The following ELF1 variants were observed in gnomAD, a reference collection of about 807,000 sequenced individuals.
The protein encoded by ELF1 is ETS-related transcription factor Elf-1.
In ELF1, 24 loss-of-function variants were observed where a neutral mutation model predicts 59.9. The ratio of observed to expected loss-of-function variants is 0.40; its 90% CI spans 0.29 to 0.56. The LOEUF is 0.56. ELF1 is among the 20% of genes least tolerant of loss of function. ELF1 has a pLI of 0.44. For synonymous variants in ELF1, 248 were observed against 266.2 expected (o/e 0.93, Z 0.67); for missense variants, 627 against 742.2 (o/e 0.84, Z 1.80).
intron 2 of ELF1, among the ~76,000 whole-genome samples, chr13:40,976,469 A>C (rs543111331): frequency 1.4e-4 from 21 of 152,346 alleles, no homozygotes; most frequent in Non-Finnish European, 2.2e-4. Flanking sequence ...TACATTGAAT[A>C]GTGTTTCCCA....
At chr13:40,970,407 CA>C (rs1872460213) in intron 2 of ELF1, among the ~76,000 whole-genome samples, 2 of 152,140 alleles carry the variant, frequency 1.3e-5, no homozygotes, top group Non-Finnish European at 2.9e-5. Context: ...TTCAAGATAA[CA>C]TTATACTATA....
At chr13:40,992,925 T>C in intron 1 of ELF1, 1 of 712,572 alleles carries the variant, frequency 1.4e-6, no homozygotes, top group East Asian at 2.6e-5. Context: ...TCATATATCA[T>C]TCTAGCCTTT....
chr13:40,946,023 T>A (rs943653219), intron 5 of ELF1, among the ~76,000 whole-genome samples: 5 of 152,154 alleles, frequency 3.3e-5, no homozygotes, highest in African/African-American at 1.2e-4. Flanking sequence ...TTTTTCCATA[T>A]TTTTAGCAGA....
chr13:41,045,177 TTC>T (rs1333743785), intron 1 of ELF1, among the ~76,000 whole-genome samples: 1 of 152,126 alleles, frequency 6.6e-6, no homozygotes, highest in African/African-American at 2.4e-5. Context: ...TATTTGATTC[TTC>T]TCTCTTTTCT....
At chr13:41,047,213 A>T (rs181838849) in intron 1 of ELF1, among the ~76,000 whole-genome samples, 6 of 152,152 alleles carry the variant, frequency 3.9e-5, no homozygotes, top group African/African-American at 1.4e-4. Flanking sequence ...CTTCTTTGCC[A>T]TGGGTTCAAA....
chr13:40,955,727 G>A (rs1871318701), intron 3 of ELF1, among the ~76,000 whole-genome samples: 1 of 131,004 alleles, frequency 7.6e-6, no homozygotes, highest in South Asian at 2.5e-4. Flanking sequence ...GGGAGGCGGG[G>A]AGGTCAGCCC....
chr13:41,036,927 G>A (rs557941805), intron 1 of ELF1, among the ~76,000 whole-genome samples: 49 of 151,756 alleles, frequency 3.2e-4, no homozygotes, highest in Non-Finnish European at 6.0e-4. Context: ...ACACAGGAAG[G>A]GGAACATCAC....
At position 40,982,146 on chromosome 13, in the gene ELF1, A is replaced by C; in HGVS notation, c.-92T>G. ...ATCCAGTGACTGATTTGGGTAAAAA[A>C]CCCTCAGCTCTGTCTGTGGAGTAAT... is the stretch of plus-strand genomic sequence containing the variant. On this transcript the variant is annotated 5_prime_UTR_variant, in exon 2 of 9. Transcript: ENST00000239882. The C allele has an allele frequency of 1.3e-6, 2 of 1,538,356 alleles. 1 individual carries two copies. The highest frequency in any genetic ancestry group is 3.4e-4 in the Middle Eastern group (2 of 5,854).
intron 8 of ELF1, among the ~76,000 whole-genome samples, chr13:40,936,692 C>T (rs888410073): frequency 6.7e-5 from 9 of 134,144 alleles, no homozygotes; most frequent in African/African-American, 1.1e-4. Context: ...ACCTGGGAGG[C>T]GGAGCTTGCA....
At chr13:40,948,387 C>CT (rs2138151174) in intron 5 of ELF1, among the ~76,000 whole-genome samples, 1 of 152,330 alleles carries the variant, frequency 6.6e-6, no homozygotes, top group South Asian at 2.1e-4. Context: ...GCTGAGGTCT[C>CT]TGTCCGATAC....
intron 1 of ELF1, among the ~76,000 whole-genome samples, chr13:40,983,937 T>C (rs1873422064): frequency 6.6e-6 from 1 of 152,150 alleles, no homozygotes; most frequent in South Asian, 2.1e-4. Context: ...CATTCAATGC[T>C]CAAGCCCCAT....
At chr13:40,965,419 C>T (rs142866677) in intron 2 of ELF1, among the ~76,000 whole-genome samples, 2 of 152,036 alleles carry the variant, frequency 1.3e-5, no homozygotes, top group Non-Finnish European at 2.9e-5. Context: ...GTCAGGAGTT[C>T]GAGACCAGCC....
At chr13:40,959,129 T>C (rs934720732) in intron 2 of ELF1, 113 bp from the exon 3 acceptor site, 1 of 1,347,650 alleles carries the variant, frequency 7.4e-7, no homozygotes, top group Admixed American at 3.1e-5. Context: ...TTTTAGATCA[T>C]CAGGCTGTAT....
chr13:40,953,547 C>T (rs2138169944), intron 3 of ELF1, among the ~76,000 whole-genome samples: 1 of 152,278 alleles, frequency 6.6e-6, no homozygotes, highest in Admixed American at 6.5e-5. Flanking sequence ...ATTAACTCTA[C>T]CAATATCTTG....
upstream of ELF1, among the ~76,000 whole-genome samples, chr13:41,021,539 C>T (rs138092114): frequency 6.6e-6 from 1 of 152,162 alleles, no homozygotes; most frequent in Admixed American, 6.5e-5. Context: ...GACACAGGTT[C>T]TAGTCAATCT....
intron 2 of ELF1, 39 bp downstream of exon 2, chr13:40,981,944 A>C: frequency 1.3e-6 from 2 of 1,591,648 alleles, no homozygotes; most frequent in Non-Finnish European, 1.7e-6. Flanking sequence ...AAAAATCATA[A>C]TAAAGTCATT....
intron 5 of ELF1, among the ~76,000 whole-genome samples, chr13:40,944,396 A>G (rs1386407605): frequency 6.6e-6 from 1 of 152,244 alleles, no homozygotes; most frequent in Non-Finnish European, 1.5e-5. Flanking sequence ...GTATACAGTT[A>G]GTTCTCAAGT....
chr13:41,060,939 G>A (rs1165920053), exon 1 of ELF1: 4 of 372,316 alleles, frequency 1.1e-5, no homozygotes, highest in African/African-American at 4.4e-5. Flanking sequence ...CGCCGCCGCC[G>A]CCGCCGCTGC....
intron 1 of ELF1, among the ~76,000 whole-genome samples, chr13:41,046,783 G>C (rs1012210031): frequency 6.6e-6 from 1 of 152,134 alleles, no homozygotes; most frequent in African/African-American, 2.4e-5. Flanking sequence ...TCTTCTCAAG[G>C]AGTATCTTTG....
Sources: allele counts gnomAD v4.1 joint callset (sites outside exome capture counted in the v4.1 genomes callset), GRCh38; gene constraint gnomAD v4.1.1; transcripts MANE v1.5; gene names NCBI Gene and HGNC (gene_info 2026-07-23, HGNC 2026-07-21).